The following ATP6V1E1 variants were observed in gnomAD, a reference collection of about 807,000 sequenced individuals.
ATP6V1E1 encodes ATPase H+ transporting V1 subunit E1, also known as V-type proton ATPase subunit E 1.
Under a neutral mutation model 35.2 loss-of-function variants are expected in ATP6V1E1, and 21 were observed. That is an observed-to-expected ratio of 0.60 (90% CI 0.42 to 0.86). The LOEUF (loss-of-function observed/expected upper bound fraction) is 0.86, where lower values mean the gene tolerates loss of function less well. ATP6V1E1 is among the 40% of genes least tolerant of loss of function. The pLI, the probability that ATP6V1E1 is intolerant of heterozygous loss-of-function variation, is 0.00. For synonymous variants in ATP6V1E1, 83 were observed against 87.8 expected (o/e 0.95, Z 0.30); for missense variants, 183 against 272.6 (o/e 0.67, Z 2.32).
chr22:17,597,690 G>A (rs2057739284), intron 7 of ATP6V1E1, among the ~76,000 whole-genome samples: 1 of 151,946 alleles, frequency 6.6e-6, no homozygotes, highest in South Asian at 2.1e-4. Context: ...CCAGTGAGTG[G>A]CGTGTTCTTG....
intron 6 of ATP6V1E1, 23 bp downstream of exon 6, chr22:17,600,004 A>G: frequency 6.3e-7 from 1 of 1,597,406 alleles, no homozygotes; most frequent in Non-Finnish European, 8.6e-7. Flanking sequence ...GAGGGAGGGA[A>G]AAAATTATCC....
chr22:17,612,103 C>T (rs2146307981), intron 4 of ATP6V1E1, among the ~76,000 whole-genome samples: 1 of 152,168 alleles, frequency 6.6e-6, no homozygotes, highest in South Asian at 2.1e-4. Context: ...TTTTTTGAAC[C>T]TTATATTTTC....
intron 4 of ATP6V1E1, among the ~76,000 whole-genome samples, chr22:17,607,714 A>C (rs1265943120): frequency 6.6e-6 from 1 of 152,086 alleles, no homozygotes; most frequent in African/African-American, 2.4e-5. Flanking sequence ...TATTTCTCAA[A>C]GTGTGGTTCT....
intron 2 of ATP6V1E1, among the ~76,000 whole-genome samples, chr22:17,616,657 CAACAAG>C (rs1353886415): frequency 1.1e-5 from 1 of 90,686 alleles, no homozygotes; most frequent in Non-Finnish European, 2.0e-5. Context: ...CCAGTCTGGG[CAACAAG>C]AATGAAACTC....
intron 2 of ATP6V1E1, among the ~76,000 whole-genome samples, chr22:17,615,051 TCAGCA>T (rs1483789822): frequency 6.7e-6 from 1 of 149,388 alleles, no homozygotes; most frequent in Admixed American, 6.7e-5. Flanking sequence ...GCCTATAATC[TCAGCA>T]GTTTCGGAGG....
chr22:17,594,590 C>A lies in ATP6V1E1; in HGVS notation c.557G>T (p.Gly186Val). 1 of 1,591,732 alleles carries A rather than the reference C, an allele frequency of 6.3e-7. No homozygotes were observed. Among genetic ancestry groups the A allele is most frequent in the Non-Finnish European group, 8.5e-7 (1 of 1,169,984 alleles). ...DIAGGVEIYNGDRKIKVSNTL... is the reference protein window; with the variant it reads ...DIAGGVEIYNVDRKIKVSNTL... ...GTTGGAAACCTTTATTTTACGATCT[C>A]CATTATAGATCTCAACTCCACCAGC... The change falls in exon 8 of 9, where the codon GGA (glycine) becomes GTA (valine). Residue 186 changes from glycine to valine, a missense_variant. Gly to Val is a moderately radical substitution (Grantham distance 109). Coordinates refer to ENST00000253413, the MANE Select transcript of ATP6V1E1 (RefSeq NM_001696.4).
intron 1 of ATP6V1E1, 141 bp downstream of exon 1, chr22:17,628,462 C>T (rs925052077): frequency 5.8e-6 from 7 of 1,200,088 alleles, no homozygotes; most frequent in Non-Finnish European, 8.5e-6. Context: ...TCAGGCCGAC[C>T]TCTTGGATCT....
intron 4 of ATP6V1E1, among the ~76,000 whole-genome samples, chr22:17,611,241 A>G (rs2057813955): frequency 1.3e-5 from 2 of 152,346 alleles, no homozygotes; most frequent in Admixed American, 6.5e-5. Context: ...AAGACGCAAA[A>G]TAACAGTTGT....
chr22:17,598,434 G>A (rs1601372914), intron 6 of ATP6V1E1, 146 bp from the exon 7 acceptor site: 13 of 639,492 alleles, frequency 2.0e-5, no homozygotes, highest in East Asian at 1.9e-4. Context: ...AAAACGGCAC[G>A]GCCACTGAGG....
At chr22:17,602,576 C>T (rs1006264172) in intron 4 of ATP6V1E1, among the ~76,000 whole-genome samples, 16 of 151,896 alleles carry the variant, frequency 1.1e-4, no homozygotes, top group African/African-American at 3.4e-4. Context: ...GGGGTTGCAC[C>T]GTGTTAGCCA....
intron 1 of ATP6V1E1, among the ~76,000 whole-genome samples, chr22:17,623,161 C>T (rs757236944): frequency 4.6e-5 from 7 of 151,960 alleles, no homozygotes; most frequent in Non-Finnish European, 8.8e-5. Context: ...TTTAAGGAGA[C>T]AAAAAGTTAT....
At chr22:17,600,604 A>G (rs1274339065) in intron 5 of ATP6V1E1, 1 of 154,416 alleles carries the variant, frequency 6.5e-6, no homozygotes, top group Non-Finnish European at 1.4e-5. Context: ...ATGAACCCAA[A>G]CCTTTGGTGA....
Position 17,594,283 on chromosome 22 carries a change from T to G in ATP6V1E1, c.618+246A>C, listed in dbSNP as rs570803357. Among the ~76,000 whole-genome samples the G allele has an allele frequency of 1.4e-3, 209 of 152,316 alleles. 1 individual carries two copies. In the Middle Eastern group the frequency reaches 0.02, roughly 15 times the overall value. On this transcript the variant is annotated intron_variant, in intron 8 of 8. Coordinates refer to ENST00000253413, the MANE Select transcript of ATP6V1E1 (RefSeq NM_001696.4). ...AGAAAGAACTTGTCAGCACCTTACA[T>G]GTAGTAAAATGTACATATTCGAATC...
At chr22:17,600,407 T>A (rs774576749) in intron 5 of ATP6V1E1, among the ~76,000 whole-genome samples, 21 of 151,984 alleles carry the variant, frequency 1.4e-4, no homozygotes, top group Non-Finnish European at 2.5e-4. Context: ...AATGCACTCC[T>A]GCCTGGCTGA....
chr22:17,625,242 T>C (rs962716749), intron 1 of ATP6V1E1, among the ~76,000 whole-genome samples: 3 of 152,162 alleles, frequency 2.0e-5, no homozygotes, highest in Non-Finnish European at 4.4e-5. Flanking sequence ...AAAAGACACT[T>C]TCAAGGAAAT....
chr22:17,618,448 C>T (rs200584634), intron 2 of ATP6V1E1, among the ~76,000 whole-genome samples: 4 of 151,798 alleles, frequency 2.6e-5, no homozygotes, highest in South Asian at 2.1e-4. Context: ...TTTGGGAGGC[C>T]GAGGCAGGCA....
chr22:17,620,304 T>A (rs1009024339), intron 1 of ATP6V1E1, among the ~76,000 whole-genome samples: 3 of 151,916 alleles, frequency 2.0e-5, no homozygotes, highest in African/African-American at 7.2e-5. Context: ...CCCGCCACCA[T>A]GCCTGGCTAA....
At chr22:17,616,058 C>A (rs1395875069) in intron 2 of ATP6V1E1, among the ~76,000 whole-genome samples, 1 of 150,436 alleles carries the variant, frequency 6.6e-6, no homozygotes, top group Admixed American at 6.6e-5. Context: ...AACAAACAAA[C>A]AAACAAAAGC....
Position 17,609,464 on chromosome 22 carries a change from C to CTT in ATP6V1E1, c.276+3346_276+3347dup, listed in dbSNP as rs61116267. Among the ~76,000 whole-genome samples, 164 of 90,696 alleles carry CTT rather than the reference C, an allele frequency of 1.8e-3. 2 individuals are homozygous for CTT. The highest frequency in any genetic ancestry group is 2.0e-3 in the Non-Finnish European group (96 of 47,382). 59.5% of individuals were successfully genotyped at this position (90,696 alleles called of 152,430 possible). ...CGTGAGCCACCATGCCCATCCTGCT[C>CTT]TTTTTTTTTTTTTTTTTTTTTTGAG... On this transcript the variant is annotated intron_variant, in intron 4 of 8. Transcript: ENST00000253413.
Sources: gnomAD v4.1 joint callset for allele counts (sites outside exome capture counted in the v4.1 genomes callset) on GRCh38, gnomAD v4.1.1 for gene constraint, MANE v1.5 for transcripts, NCBI Gene and HGNC (gene_info 2026-07-23, HGNC 2026-07-21) for gene names.